Variants in SLC7A1 observed in about 807,000 individuals in gnomAD.
SLC7A1 encodes the protein high affinity cationic amino acid transporter 1.
A neutral mutation model predicts 53.9 loss-of-function variants in SLC7A1; 10 were observed. That is an observed-to-expected ratio of 0.19 (90% CI 0.11 to 0.31). The LOEUF is 0.31. SLC7A1 is among the 10% of genes least tolerant of loss of function. SLC7A1 has a pLI of 1.00. For synonymous variants in SLC7A1, 342 were observed against 338.7 expected, an observed-to-expected ratio of 1.01 and a Z score of -0.11; for missense variants, 525 against 827.2, an observed-to-expected ratio of 0.63 and a Z score of 4.48.
chr13:29,578,754 TG>T (rs1421149312), intron 1 of SLC7A1, among the ~76,000 whole-genome samples: 2 of 152,236 alleles, frequency 1.3e-5, no homozygotes, highest in Non-Finnish European at 2.9e-5. Flanking sequence ...CCACCAATGC[TG>T]GAAAAGTGAT....
At chr13:29,542,606 C>T (rs1412322349) in intron 2 of SLC7A1, among the ~76,000 whole-genome samples, 2 of 151,404 alleles carry the variant, frequency 1.3e-5, no homozygotes, top group Non-Finnish European at 2.9e-5. Context: ...TGGCTTGAGC[C>T]CAGGAAATCA....
At chr13:29,585,788 C>T (rs1257359535) in intron 1 of SLC7A1, among the ~76,000 whole-genome samples, 3 of 152,224 alleles carry the variant, frequency 2.0e-5, no homozygotes, top group African/African-American at 7.2e-5. Context: ...CTGTGACAGT[C>T]ACCCTCCCTG....
intron 1 of SLC7A1, among the ~76,000 whole-genome samples, chr13:29,555,358 A>G (rs1870389297): frequency 2.0e-5 from 1 of 50,602 alleles, no homozygotes. Flanking sequence ...ACTCCGTCTC[A>G]AAAAAAAAAA....
At chr13:29,594,155 G>A (rs942235085) in intron 1 of SLC7A1, among the ~76,000 whole-genome samples, 1 of 152,208 alleles carries the variant, frequency 6.6e-6, no homozygotes, top group African/African-American at 2.4e-5. Context: ...TAAAGGGCAA[G>A]AAATGTTAGG....
rs1249068590 is a variant in SLC7A1, at chr13:29,567,637, G to C, written c.-114-13777C>G. On this transcript the variant is annotated intron_variant, in intron 1 of 12. Transcript: ENST00000380752. ...CCACACTCCTGGGTGTTTACAAGCT[G>C]CTGGGTACAACTCCCTGCAGGCGGG... is the stretch of plus-strand genomic sequence containing the variant. Among the ~76,000 whole-genome samples the C allele has an allele frequency of 7.2e-5, 11 of 152,316 alleles. No homozygotes were observed. In the East Asian group the frequency reaches 2.1e-3, roughly 29 times the overall value.
At chr13:29,514,895 CT>C (rs1883510505) in intron 12 of SLC7A1, among the ~76,000 whole-genome samples, 1 of 152,230 alleles carries the variant, frequency 6.6e-6, no homozygotes, top group South Asian at 2.1e-4. Flanking sequence ...GCTTAGCCCC[CT>C]GATGCCCCCG....
At chr13:29,522,552 A>T in intron 7 of SLC7A1, 96 bp from the exon 8 acceptor site, 1 of 1,384,694 alleles carries the variant, frequency 7.2e-7, no homozygotes, top group Non-Finnish European at 1.0e-6. Flanking sequence ...GAGGAGAGGG[A>T]GTCTGAGCTC....
chr13:29,553,358 G>C (rs1870286531), intron 2 of SLC7A1, among the ~76,000 whole-genome samples: 1 of 152,172 alleles, frequency 6.6e-6, no homozygotes, highest in South Asian at 2.1e-4. Context: ...GTGGCACACA[G>C]AGCACGAGAC....
chr13:29,586,626 A>G (rs1344545616), intron 1 of SLC7A1: 1 of 152,248 alleles, frequency 6.6e-6, no homozygotes, highest in Non-Finnish European at 1.5e-5. Context: ...GCTTACCACA[A>G]GATAAAAACA....
chr13:29,578,790 A>C (rs561077849), intron 1 of SLC7A1, among the ~76,000 whole-genome samples: 1 of 152,364 alleles, frequency 6.6e-6, no homozygotes, highest in South Asian at 2.1e-4. Context: ...GCTCCCTGTC[A>C]CAGCCTGTCA....
At chr13:29,542,265 G>A (rs1427021735) in intron 2 of SLC7A1, among the ~76,000 whole-genome samples, 1 of 152,146 alleles carries the variant, frequency 6.6e-6, no homozygotes, top group Non-Finnish European at 1.5e-5. Context: ...GACCAGCCTG[G>A]CCAACATGGT....
Position 29,595,469 on chromosome 13 carries a change from C to A in SLC7A1, c.-168G>T, listed in dbSNP as rs1196355109. On this transcript the variant is annotated 5_prime_UTR_variant, in exon 1 of 13. Coordinates refer to ENST00000380752, the MANE Select transcript of SLC7A1 (RefSeq NM_003045.5). ...GATCGCGAACAGACAGACTGTCGGA[C>A]GCGCTCAAGGACCAACGGACGCTCG... 1 of 151,184 alleles carries A rather than the reference C, an allele frequency of 6.6e-6. No individual in the cohort carries two copies. The highest frequency in any genetic ancestry group is 1.5e-5 in the Non-Finnish European group (1 of 67,764). The allele number at this position is 151,184 out of a possible 1,614,324, so 9.4% of individuals were successfully genotyped here.
At chr13:29,578,669 A>C (rs986682473) in intron 1 of SLC7A1, among the ~76,000 whole-genome samples, 1 of 152,212 alleles carries the variant, frequency 6.6e-6, no homozygotes, top group Non-Finnish European at 1.5e-5. Flanking sequence ...CTACTGGTTC[A>C]ACCGGGCACC....
At position 29,510,703 on chromosome 13, in the gene SLC7A1, AGTTGGG is replaced by A. The variant is rs1883362717; in HGVS notation, c.*3771_*3776del. The stretch of plus-strand genomic sequence containing the variant: ...ACACCCCAGAACGCAGCTGTGCTGG[AGTTGGG>A]CACAAAGGCCCCTCACTCCCTGTCT... On this transcript the variant is annotated 3_prime_UTR_variant, in exon 13 of 13. Transcript: ENST00000380752. 1 of 152,226 alleles carries A rather than the reference AGTTGGG, an allele frequency of 6.6e-6. No homozygotes were observed. Among genetic ancestry groups the A allele is most frequent in the Admixed American group, 6.5e-5 (1 of 15,286 alleles). The allele number at this position is 152,226 out of a possible 1,614,324, so 9.4% of individuals were successfully genotyped here. A position where few individuals can be genotyped will look rare whatever the true frequency, so the allele number is the denominator to read the frequency against.
chr13:29,542,454 C>CA (rs36035912), intron 2 of SLC7A1, among the ~76,000 whole-genome samples: 29,503 of 150,436 alleles, frequency 0.2, 3,520 homozygotes, highest in South Asian at 0.31. Flanking sequence ...AAATCTGTCT[C>CA]AAAAAAAAAG....
In SLC7A1 at chr13:29,583,177, G is replaced by A. The variant is rs566732668; in HGVS notation, c.-115+12239C>T. Among the ~76,000 whole-genome samples, 5 of 152,348 alleles carry A rather than the reference G, an allele frequency of 3.3e-5. No homozygotes were observed. In the East Asian group the frequency reaches 9.6e-4, roughly 29 times the overall value. On this transcript the variant is annotated intron_variant, in intron 1 of 12. Coordinates refer to ENST00000380752, the MANE Select transcript of SLC7A1 (RefSeq NM_003045.5). Reference sequence around the variant, plus strand: ...GGCCCCACCCCAGAACTGTAAAGGAGCCCACACCCGTGCCCGCATGCACAG... The same window carrying A: ...GGCCCCACCCCAGAACTGTAAAGGAACCCACACCCGTGCCCGCATGCACAG...
At chr13:29,536,309 A>G (rs1249885045) in intron 2 of SLC7A1, 107 bp from the exon 3 acceptor site, 6 of 1,155,462 alleles carry the variant, frequency 5.2e-6, no homozygotes, top group Admixed American at 2.3e-5. Flanking sequence ...CTTCATAATC[A>G]TTTCCTGCTA....
intron 11 of SLC7A1, chr13:29,516,875 G>A (rs1883573327): frequency 1.1e-5 from 4 of 370,948 alleles, no homozygotes; most frequent in East Asian, 4.1e-5. Context: ...AGGGACTGGC[G>A]AGGTCTCTCT....
chr13:29,517,105 C>G, intron 11 of SLC7A1, 39 bp downstream of exon 11: 1 of 1,532,508 alleles, frequency 6.5e-7, no homozygotes, highest in Non-Finnish European at 8.8e-7. Flanking sequence ...GGGCCAGGGT[C>G]TGTGTACCAG....
Sources: gnomAD v4.1 joint callset for allele counts (sites outside exome capture counted in the v4.1 genomes callset) on GRCh38, gnomAD v4.1.1 for gene constraint, MANE v1.5 for transcripts, NCBI Gene and HGNC (gene_info 2026-07-23, HGNC 2026-07-21) for gene names.